The following GALNT1 variants were observed in gnomAD, a reference collection of about 807,000 sequenced individuals.
GALNT1 encodes the protein polypeptide N-acetylgalactosaminyltransferase 1.
In GALNT1, 17 loss-of-function variants were observed where a neutral mutation model predicts 65.7. The ratio of observed to expected loss-of-function variants is 0.26; its 90% CI spans 0.18 to 0.39. GALNT1 has a LOEUF of 0.39. GALNT1 is among the 10% of genes least tolerant of loss of function. The pLI is 1.00. For missense variants in GALNT1, 460 were observed against 672.8 expected, an observed-to-expected ratio of 0.68 and a Z score of 3.50; for synonymous variants, 210 against 219.7, an observed-to-expected ratio of 0.96 and a Z score of 0.39.
chr18:35,634,486 G>A (rs2047063568), intron 1 of GALNT1, among the ~76,000 whole-genome samples: 1 of 152,192 alleles, frequency 6.6e-6, no homozygotes, highest in East Asian at 1.9e-4. Flanking sequence ...GGAAAAAGGT[G>A]CACGGGGTGA....
chr18:35,624,410 G>A (rs2046891329), intron 1 of GALNT1, among the ~76,000 whole-genome samples: 1 of 152,166 alleles, frequency 6.6e-6, no homozygotes, highest in African/African-American at 2.4e-5. Flanking sequence ...TTCTGTGTGT[G>A]AGTGTCTCAT....
intron 1 of GALNT1, among the ~76,000 whole-genome samples, chr18:35,629,913 T>G (rs2046981858): frequency 6.6e-6 from 1 of 152,156 alleles, no homozygotes; most frequent in Non-Finnish European, 1.5e-5. Context: ...AATCCTAGTT[T>G]CTGATAAGTC....
intron 1 of GALNT1, among the ~76,000 whole-genome samples, chr18:35,607,572 T>C (rs531894856): frequency 7.2e-5 from 11 of 152,260 alleles, no homozygotes; most frequent in African/African-American, 1.4e-4. Flanking sequence ...TCTGGACTTA[T>C]ACAGCTCATG....
At chr18:35,613,655 A>G (rs892173349) in intron 1 of GALNT1, among the ~76,000 whole-genome samples, 2 of 152,190 alleles carry the variant, frequency 1.3e-5, no homozygotes, top group Admixed American at 6.5e-5. Flanking sequence ...ACCTTTGTGT[A>G]AAGCTGAAGC....
At chr18:35,627,965 T>A (rs1486203205) in intron 1 of GALNT1, among the ~76,000 whole-genome samples, 1 of 151,960 alleles carries the variant, frequency 6.6e-6, no homozygotes, top group Admixed American at 6.6e-5. Flanking sequence ...GGAGCCTCGC[T>A]CATTGCTAGC....
intron 1 of GALNT1, among the ~76,000 whole-genome samples, chr18:35,599,724 A>T (rs185240947): frequency 5.3e-5 from 8 of 152,322 alleles, no homozygotes; most frequent in Admixed American, 2.0e-4. Context: ...ATAGGGATCT[A>T]GCTTTATTCT....
At chr18:35,695,318 T>C (rs1286291969) in intron 9 of GALNT1, among the ~76,000 whole-genome samples, 1 of 151,242 alleles carries the variant, frequency 6.6e-6, no homozygotes, top group East Asian at 2.0e-4. Context: ...GGGAGGAAGG[T>C]AGAGGAATGG....
chr18:35,630,266 C>T (rs771820798), intron 1 of GALNT1, among the ~76,000 whole-genome samples: 2 of 152,212 alleles, frequency 1.3e-5, no homozygotes, highest in Non-Finnish European at 2.9e-5. Flanking sequence ...CTCAGCACCA[C>T]ACCGCAGTTA....
chr18:35,598,401 A>G (rs1325455354), intron 1 of GALNT1, among the ~76,000 whole-genome samples: 1 of 151,808 alleles, frequency 6.6e-6, no homozygotes, highest in Non-Finnish European at 1.5e-5. Flanking sequence ...TACCCTTCCC[A>G]GCCTCTGGTA....
chr18:35,687,583 C>G (rs2047888162), intron 6 of GALNT1, among the ~76,000 whole-genome samples: 1 of 152,150 alleles, frequency 6.6e-6, no homozygotes, highest in African/African-American at 2.4e-5. Context: ...ATTTTAAATT[C>G]AGACTTGTAC....
chr18:35,647,007 G>C (rs2047239995), intron 1 of GALNT1, among the ~76,000 whole-genome samples: 1 of 152,164 alleles, frequency 6.6e-6, no homozygotes, highest in Non-Finnish European at 1.5e-5. Flanking sequence ...AGCTGTACAA[G>C]CTAGGATTGA....
Position 35,626,386 on chromosome 18 carries a change from A to T in GALNT1, c.-103-28174A>T, listed in dbSNP as rs554407244. Among the ~76,000 whole-genome samples the T allele has an allele frequency of 3.1e-4, 47 of 152,322 alleles. No individual in the cohort carries two copies. The Middle Eastern group carries it at 0.014, about 44-fold the overall frequency. The stretch of plus-strand genomic sequence containing the variant: ...AAGTAACGCCGTGTCTAAGATGAGC[A>T]GGTCATATACTAGGTTCTAGTTTGT... On this transcript the variant is annotated intron_variant, in intron 1 of 11. Coordinates refer to ENST00000269195, the MANE Select transcript of GALNT1 (RefSeq NM_020474.4).
intron 1 of GALNT1, among the ~76,000 whole-genome samples, chr18:35,595,091 G>A (rs12957327): frequency 0.1 from 15,758 of 152,150 alleles, 894 homozygotes; most frequent in Admixed American, 0.18. Flanking sequence ...GGGCCTAAAT[G>A]AAGAGGCAGA....
intron 9 of GALNT1, among the ~76,000 whole-genome samples, chr18:35,700,893 C>A (rs2048150888): frequency 6.6e-6 from 1 of 152,108 alleles, no homozygotes; most frequent in Non-Finnish European, 1.5e-5. Flanking sequence ...TGGTGTTAAT[C>A]TAATAATTCC....
In GALNT1 at chr18:35,709,774, C is replaced by A; in HGVS notation, c.*4C>A. On this transcript the variant is annotated 3_prime_UTR_variant, in exon 12 of 12. Transcript: ENST00000269195. The stretch of plus-strand genomic sequence containing the variant: ...CACCCTGCCAGAAATATTCTGAGAC[C>A]AAATTTACAAAAAAACGAAAAAAAT... 1 of 1,613,094 alleles carries A rather than the reference C, an allele frequency of 6.2e-7. No homozygotes were observed. The highest frequency in any genetic ancestry group is 1.1e-5 in the South Asian group (1 of 90,982).
At chr18:35,638,265 A>C (rs927811832) in intron 1 of GALNT1, among the ~76,000 whole-genome samples, 4 of 152,206 alleles carry the variant, frequency 2.6e-5, no homozygotes, top group Non-Finnish European at 4.4e-5. Context: ...GAACGGATGC[A>C]CTCAGACACA....
At chr18:35,627,005 G>A (rs993869778) in intron 1 of GALNT1, among the ~76,000 whole-genome samples, 4 of 152,212 alleles carry the variant, frequency 2.6e-5, no homozygotes, top group African/African-American at 7.2e-5. Context: ...GTCAGGAATA[G>A]GTGGCCTAGC....
At chr18:35,680,144 G>C (rs2047765780) in intron 4 of GALNT1, among the ~76,000 whole-genome samples, 1 of 152,090 alleles carries the variant, frequency 6.6e-6, no homozygotes, top group Non-Finnish European at 1.5e-5. Flanking sequence ...TCTTCTTTCA[G>C]TTTGTTAAAG....
intron 1 of GALNT1, among the ~76,000 whole-genome samples, chr18:35,637,235 G>C (rs1042007513): frequency 1.3e-5 from 2 of 152,170 alleles, no homozygotes; most frequent in East Asian, 3.9e-4. Flanking sequence ...AGAGTCATGT[G>C]TCTCTCACTT....
Sources: allele counts gnomAD v4.1 joint callset (sites outside exome capture counted in the v4.1 genomes callset), GRCh38; gene constraint gnomAD v4.1.1; transcripts MANE v1.5; gene names NCBI Gene and HGNC (gene_info 2026-07-23, HGNC 2026-07-21).